The following AFF3 variants were observed in gnomAD, a reference collection of about 807,000 sequenced individuals.
The protein encoded by AFF3 is ALF transcription elongation factor 3, also known as AF4/FMR2 family member 3.
In AFF3, 32 loss-of-function variants were observed where a neutral mutation model predicts 129.7. The observed-to-expected ratio is 0.25, with a 90% CI of 0.19 to 0.33. The LOEUF (loss-of-function observed/expected upper bound fraction) is 0.33, where lower values mean the gene tolerates loss of function less well. Ranked by LOEUF, AFF3 falls within the 10% of genes least tolerant of loss-of-function variation. The probability of loss-of-function intolerance (pLI) is 1.00; values close to 1 mark genes in which losing one functional copy is unlikely to be tolerated. For synonymous variants in AFF3, 644 were observed against 635.4 expected, an observed-to-expected ratio of 1.01 and a Z score of -0.20; for missense variants, 1,373 against 1,592.0, an observed-to-expected ratio of 0.86 and a Z score of 2.34.
At chr2:100,072,581 CT>C (rs1437874719) in intron 4 of AFF3, among the ~76,000 whole-genome samples, 2 of 152,128 alleles carry the variant, frequency 1.3e-5, no homozygotes, top group African/African-American at 4.8e-5. Flanking sequence ...GCTGCCTGTC[CT>C]ACTGGTAAAG....
rs1287152934 is a variant in AFF3, at chr2:99,641,456, T to C, written c.1184+8170A>G. 2.0e-5 allele frequency among the ~76,000 whole-genome samples: 3 copies of C among 152,200 alleles called. No homozygotes were observed. The East Asian group carries it at 5.8e-4, about 29-fold the overall frequency. On this transcript the variant is annotated intron_variant, in intron 13 of 24. Coordinates refer to ENST00000672756, the MANE Select transcript of AFF3 (RefSeq NM_001386135.1). ...ACTTTGGGAGGCTGGGGTGGGTGGA[T>C]CACCTGAGGTCAGGAGTTGGAGACC...
intron 4 of AFF3, among the ~76,000 whole-genome samples, chr2:100,068,550 T>C (rs1391229948): frequency 6.6e-6 from 1 of 152,282 alleles, no homozygotes; most frequent in African/African-American, 2.4e-5. Flanking sequence ...AAGGCTGTGA[T>C]GCGTAAAAAA....
At chr2:99,986,445 A>G (rs1465378411) in intron 7 of AFF3, among the ~76,000 whole-genome samples, 1 of 151,992 alleles carries the variant, frequency 6.6e-6, no homozygotes, top group Non-Finnish European at 1.5e-5. Context: ...AAACTGGCCA[A>G]ATGCTGAAGC....
chr2:99,836,113 T>C (rs1688856328), intron 8 of AFF3, among the ~76,000 whole-genome samples: 3 of 152,188 alleles, frequency 2.0e-5, no homozygotes, highest in South Asian at 4.1e-4. Flanking sequence ...ATGGATTTCT[T>C]CCATATCCTC....
intron 20 of AFF3, among the ~76,000 whole-genome samples, chr2:99,563,072 C>T (rs909067088): frequency 6.6e-6 from 1 of 152,010 alleles, no homozygotes; most frequent in Non-Finnish European, 1.5e-5. Flanking sequence ...ACATCCTGGG[C>T]TAGGTCATCT....
At chr2:99,776,935 C>A (rs1194015177) in intron 8 of AFF3, among the ~76,000 whole-genome samples, 1 of 152,138 alleles carries the variant, frequency 6.6e-6, no homozygotes, top group Non-Finnish European at 1.5e-5. Flanking sequence ...GGGCACTGGG[C>A]CGAGCATGTC....
intron 7 of AFF3, among the ~76,000 whole-genome samples, chr2:99,853,923 A>C (rs1690329653): frequency 6.6e-6 from 1 of 152,236 alleles, no homozygotes; most frequent in Non-Finnish European, 1.5e-5. Context: ...GAATTAAAAA[A>C]GTAGTTTCAT....
chr2:99,725,373 T>G (rs1168806510), intron 11 of AFF3, among the ~76,000 whole-genome samples: 3 of 151,124 alleles, frequency 2.0e-5, no homozygotes, highest in African/African-American at 7.3e-5. Context: ...TTATTATTTT[T>G]GAGACAGTCT....
chr2:99,720,096 G>T (rs1412445654), intron 11 of AFF3, among the ~76,000 whole-genome samples: 1 of 152,128 alleles, frequency 6.6e-6, no homozygotes, highest in Non-Finnish European at 1.5e-5. Context: ...TAGACCGCAG[G>T]CAGTCTTAAT....
At chr2:99,798,857 C>CA (rs1685734966) in intron 8 of AFF3, among the ~76,000 whole-genome samples, 1 of 151,890 alleles carries the variant, frequency 6.6e-6, no homozygotes, top group African/African-American at 2.4e-5. Flanking sequence ...TCAGAGATTT[C>CA]AGTATCCTGC....
chr2:100,102,485 GT>G (rs1054358726), intron 4 of AFF3, among the ~76,000 whole-genome samples: 1 of 151,806 alleles, frequency 6.6e-6, no homozygotes, highest in Non-Finnish European at 1.5e-5. Flanking sequence ...GTAAGTTTTT[GT>G]TTTTTTTAAA....
intron 4 of AFF3, among the ~76,000 whole-genome samples, chr2:100,058,455 G>T (rs2105206573): frequency 6.6e-6 from 1 of 152,302 alleles, no homozygotes; most frequent in African/African-American, 2.4e-5. Flanking sequence ...TATAAACATT[G>T]TTGGTTAAGT....
intron 10 of AFF3, among the ~76,000 whole-genome samples, chr2:99,737,416 T>C (rs1680347018): frequency 6.7e-6 from 1 of 148,386 alleles, no homozygotes; most frequent in African/African-American, 2.5e-5. Context: ...TTCCCAGCTT[T>C]TGTCTGAAAA....
At chr2:99,675,584 C>T (rs549299079) in intron 11 of AFF3, among the ~76,000 whole-genome samples, 1 of 152,338 alleles carries the variant, frequency 6.6e-6, no homozygotes, top group East Asian at 1.9e-4. Context: ...TCCGGTTTAA[C>T]ATTCACAAAC....
chr2:99,950,267 T>C (rs1016458258), intron 7 of AFF3, among the ~76,000 whole-genome samples: 1 of 152,218 alleles, frequency 6.6e-6, no homozygotes, highest in African/African-American at 2.4e-5. Context: ...TATACTCTTT[T>C]CCTTAGCCAA....
At chr2:99,586,360 C>T (rs945085283) in intron 16 of AFF3, among the ~76,000 whole-genome samples, 8 of 152,212 alleles carry the variant, frequency 5.3e-5, no homozygotes, top group African/African-American at 1.7e-4. Flanking sequence ...TGTGCACCCT[C>T]ACCCTCCAGT....
At chr2:99,861,579 TG>T (rs1691002777) in intron 7 of AFF3, among the ~76,000 whole-genome samples, 1 of 152,244 alleles carries the variant, frequency 6.6e-6, no homozygotes, top group African/African-American at 2.4e-5. Flanking sequence ...AGTGTATTCT[TG>T]GCACTGTTAT....
intron 7 of AFF3, among the ~76,000 whole-genome samples, chr2:99,951,172 T>G (rs973570369): frequency 1.4e-4 from 21 of 152,250 alleles, no homozygotes; most frequent in Non-Finnish European, 2.1e-4. Context: ...ATCAAAATAA[T>G]TTTTCTGATA....
chr2:99,745,015 A>G (rs987788299), intron 9 of AFF3, among the ~76,000 whole-genome samples: 3 of 152,102 alleles, frequency 2.0e-5, no homozygotes, highest in Non-Finnish European at 2.9e-5. Context: ...GAGGGTTCCA[A>G]TTTATCTACA....
Sources: allele counts gnomAD v4.1 joint callset (sites outside exome capture counted in the v4.1 genomes callset), GRCh38; gene constraint gnomAD v4.1.1; transcripts MANE v1.5; gene names NCBI Gene and HGNC (gene_info 2026-07-23, HGNC 2026-07-21).